Variants in CACNB2 observed in about 807,000 individuals in gnomAD.
CACNB2 encodes calcium voltage-gated channel auxiliary subunit beta 2, also known as voltage-dependent L-type calcium channel subunit beta-2.
In CACNB2, 42 loss-of-function variants were observed where a neutral mutation model predicts 73.3. That is an observed-to-expected ratio of 0.57 (90% confidence interval 0.45 to 0.74). The LOEUF (loss-of-function observed/expected upper bound fraction) is 0.74, where lower values mean the gene tolerates loss of function less well. CACNB2 is among the 30% of genes least tolerant of loss of function. CACNB2 has a pLI of 0.00. For missense variants in CACNB2, 940 were observed against 853.0 expected, an observed-to-expected ratio of 1.10 and a Z score of -1.27; for synonymous variants, 348 against 310.3, an observed-to-expected ratio of 1.12 and a Z score of -1.28.
chr10:18,449,038 T>C (rs758193951), intron 3 of CACNB2, among the ~76,000 whole-genome samples: 4 of 152,148 alleles, frequency 2.6e-5, no homozygotes, highest in Admixed American at 6.5e-5. Flanking sequence ...TCATGTCCTA[T>C]GGTCTGGTAA....
intron 3 of CACNB2, among the ~76,000 whole-genome samples, chr10:18,489,355 A>G (rs1242977958): frequency 7.7e-6 from 1 of 129,228 alleles, no homozygotes; most frequent in Non-Finnish European, 1.6e-5. Flanking sequence ...TAACCATTGC[A>G]CCCTAGCCTG....
At chr10:18,500,082 C>G (rs2050111174) in intron 4 of CACNB2, among the ~76,000 whole-genome samples, 1 of 152,014 alleles carries the variant, frequency 6.6e-6, no homozygotes, top group Non-Finnish European at 1.5e-5. Context: ...ATCAGCTGTG[C>G]CTAGAATCTC....
At chr10:18,365,939 C>T (rs538811968) in intron 2 of CACNB2, among the ~76,000 whole-genome samples, 3 of 152,246 alleles carry the variant, frequency 2.0e-5, no homozygotes, top group East Asian at 1.9e-4. Flanking sequence ...GTAGGAATTC[C>T]AGGAAGTTTC....
chr10:18,228,451 A>AAAAAAAAAG (rs2036098179), intron 2 of CACNB2, among the ~76,000 whole-genome samples: 2 of 95,528 alleles, frequency 2.1e-5, no homozygotes, highest in African/African-American at 3.4e-5. Context: ...AAAAAAAAAG[A>AAAAAAAAAG]AAAAAAAAAA....
chr10:18,198,755 G>T (rs1175366146), intron 2 of CACNB2, among the ~76,000 whole-genome samples: 1 of 152,040 alleles, frequency 6.6e-6, no homozygotes, highest in African/African-American at 2.4e-5. Flanking sequence ...CCTCCACCCA[G>T]CATGACTGCT....
At chr10:18,485,706 C>A (rs2049022067) in intron 3 of CACNB2, among the ~76,000 whole-genome samples, 1 of 151,714 alleles carries the variant, frequency 6.6e-6, no homozygotes, top group South Asian at 2.1e-4. Flanking sequence ...GGATTACAGG[C>A]ACCCACCACC....
chr10:18,373,357 C>G (rs1220120639), intron 2 of CACNB2, among the ~76,000 whole-genome samples: 2 of 152,184 alleles, frequency 1.3e-5, no homozygotes, highest in Non-Finnish European at 2.9e-5. Flanking sequence ...GTCTCCCAAA[C>G]AAGGTAGGAC....
chr10:18,316,061 C>T (rs1024571707), intron 2 of CACNB2, among the ~76,000 whole-genome samples: 8 of 152,162 alleles, frequency 5.3e-5, no homozygotes, highest in African/African-American at 1.9e-4. Flanking sequence ...ACTGACTCTC[C>T]AAATTCCCAA....
chr10:18,477,091 CCTTTGG>C, intron 3 of CACNB2, among the ~76,000 whole-genome samples: 1 of 151,676 alleles, frequency 6.6e-6, no homozygotes, highest in South Asian at 2.1e-4. Flanking sequence ...AAGGGCGTAG[CCTTTGG>C]TCCTTTTGTT....
intron 2 of CACNB2, among the ~76,000 whole-genome samples, chr10:18,155,132 C>T (rs916481291): frequency 6.6e-6 from 1 of 152,184 alleles, no homozygotes; most frequent in Non-Finnish European, 1.5e-5. Flanking sequence ...AGGTCAACCC[C>T]TGTGGAGCCA....
Position 18,374,044 on chromosome 10 carries a change from A to G in CACNB2, c.214-27880A>G, listed in dbSNP as rs77018898. ...CACTGTACTGATTTAGAGAAAAAAT[A>G]TTATAATTAACAGCATATCAGGGAT... On this transcript the variant is annotated intron_variant, in intron 2 of 13. Transcript: ENST00000324631. 9.1e-3 allele frequency among the ~76,000 whole-genome samples: 1,385 copies of G among 152,340 alleles called. 33 individuals are homozygous for G. Among genetic ancestry groups the G allele is most frequent in the African/African-American group, 0.029 (1,189 of 41,576 alleles).
intron 2 of CACNB2, among the ~76,000 whole-genome samples, chr10:18,234,693 G>C (rs944248247): frequency 4.6e-5 from 7 of 152,150 alleles, no homozygotes; most frequent in African/African-American, 1.4e-4. Context: ...AAGGTAGAAT[G>C]GTGGTTCCCA....
intron 2 of CACNB2, among the ~76,000 whole-genome samples, chr10:18,222,687 A>G (rs894344173): frequency 2.0e-5 from 3 of 152,226 alleles, no homozygotes; most frequent in African/African-American, 7.2e-5. Context: ...CTGTAATCCC[A>G]GCACTTTGGG....
intron 2 of CACNB2, among the ~76,000 whole-genome samples, chr10:18,220,628 G>C (rs2035754531): frequency 6.6e-6 from 1 of 151,956 alleles, no homozygotes; most frequent in African/African-American, 2.4e-5. Flanking sequence ...ACTAGTACTG[G>C]CTTGTGGTCT....
chr10:18,512,885 C>A (rs1455403508), intron 6 of CACNB2, among the ~76,000 whole-genome samples: 1 of 152,088 alleles, frequency 6.6e-6, no homozygotes, highest in Non-Finnish European at 1.5e-5. Flanking sequence ...CCAATTCATT[C>A]AACTTTTGAA....
chr10:18,188,327 C>T (rs916373409), intron 2 of CACNB2, among the ~76,000 whole-genome samples: 1 of 152,066 alleles, frequency 6.6e-6, no homozygotes, highest in Non-Finnish European at 1.5e-5. Flanking sequence ...TTCTTGCCTT[C>T]CTTCCCAGAG....
At position 18,402,028 on chromosome 10, in the gene CACNB2, G is replaced by A. The variant is rs369433630; in HGVS notation, c.318G>A (p.Gln106=). ...AAGCGGAGCGGCAGGCCCAGGCACA[G>A]TTGGAAAAAGCAAAGGTAAAATCGT... ...RREAERQAQA[Q]LEKAKTKPVA... is the part of the protein sequence containing the mutation. Residue 106 remains glutamine (Q), a synonymous_variant, in exon 3 of 14, where the codon CAG becomes CAA. Coordinates refer to ENST00000324631, the MANE Select transcript of CACNB2 (RefSeq NM_201596.3). 22 of 1,613,854 alleles carry A rather than the reference G, an allele frequency of 1.4e-5. No homozygotes were observed. Among genetic ancestry groups the A allele is most frequent in the Middle Eastern group, 1.6e-4 (1 of 6,082 alleles).
At chr10:18,171,364 G>C (rs1463408279) in intron 2 of CACNB2, among the ~76,000 whole-genome samples, 1 of 151,860 alleles carries the variant, frequency 6.6e-6, no homozygotes, top group Non-Finnish European at 1.5e-5. Flanking sequence ...AACTGTAACA[G>C]TCAGGGGTAT....
intron 3 of CACNB2, among the ~76,000 whole-genome samples, chr10:18,470,058 A>G (rs1564585548): frequency 6.6e-6 from 1 of 152,086 alleles, no homozygotes; most frequent in Non-Finnish European, 1.5e-5. Context: ...AAATTAATGA[A>G]CATTTAAAAT....
Sources: gnomAD v4.1 joint callset for allele counts (sites outside exome capture counted in the v4.1 genomes callset) on GRCh38, gnomAD v4.1.1 for gene constraint, MANE v1.5 for transcripts, NCBI Gene and HGNC (gene_info 2026-07-23, HGNC 2026-07-21) for gene names.